The following FSTL4 variants were observed in gnomAD, a reference collection of about 807,000 sequenced individuals.
The protein encoded by FSTL4 is follistatin like 4.
In FSTL4, 28 loss-of-function variants were observed where a neutral mutation model predicts 78.2. That is an observed-to-expected ratio of 0.36 (90% CI 0.27 to 0.49). The LOEUF is 0.49. Among genes scored for constraint, FSTL4 ranks in the 20% least tolerant of loss-of-function variants. The pLI, the probability that FSTL4 is intolerant of heterozygous loss-of-function variation, is 0.98. For synonymous variants in FSTL4, 422 were observed against 440.5 expected (o/e 0.96, Z 0.53); for missense variants, 922 against 1,084.9 (o/e 0.85, Z 2.11).
chr5:133,437,234 T>G (rs1333611326), intron 3 of FSTL4, among the ~76,000 whole-genome samples: 1 of 152,202 alleles, frequency 6.6e-6, no homozygotes, highest in East Asian at 1.9e-4. Context: ...GGCACTCAAG[T>G]GCCTTTGTCA....
intron 3 of FSTL4, among the ~76,000 whole-genome samples, chr5:133,480,919 G>A (rs1291783962): frequency 2.0e-5 from 3 of 152,118 alleles, no homozygotes; most frequent in Non-Finnish European, 4.4e-5. Flanking sequence ...AGCAGCTCCC[G>A]ACACCAAACA....
intron 3 of FSTL4, among the ~76,000 whole-genome samples, chr5:133,557,822 C>G (rs1237839137): frequency 6.6e-6 from 1 of 152,206 alleles, no homozygotes; most frequent in Non-Finnish European, 1.5e-5. Context: ...GCCATAAGTC[C>G]TCTTTTTGTT....
chr5:133,348,788 T>C lies in FSTL4; in HGVS notation c.410-32136A>G, dbSNP rs147428043. ...CTCATCTGAAAAATGGGGATACTAA[T>C]AGAACTTGCCACACTGGGTAGCTGT... On this transcript the variant is annotated intron_variant, in intron 4 of 15. Coordinates refer to ENST00000265342, the MANE Select transcript of FSTL4 (RefSeq NM_015082.2). Among the ~76,000 whole-genome samples the C allele has an allele frequency of 6.8e-3, 1,035 of 152,314 alleles. 6 individuals carry two copies. The highest frequency in any genetic ancestry group is 0.022 in the East Asian group (115 of 5,182).
the FSTL4 span, among the ~76,000 whole-genome samples, chr5:133,716,000 T>C: frequency 2.4e-4 from 36 of 152,330 alleles, no homozygotes; most frequent in African/African-American, 8.4e-4. Context: ...GCCGGCTCCT[T>C]AAGAGTTCAA....
At chr5:133,290,640 T>C (rs1191991670) in intron 6 of FSTL4, among the ~76,000 whole-genome samples, 1 of 152,156 alleles carries the variant, frequency 6.6e-6, no homozygotes, top group East Asian at 1.9e-4. Flanking sequence ...TCTCCTAGGA[T>C]GAGGTAAAGC....
At chr5:133,282,855 A>G (rs1753040545) in intron 6 of FSTL4, among the ~76,000 whole-genome samples, 1 of 152,250 alleles carries the variant, frequency 6.6e-6, no homozygotes, top group African/African-American at 2.4e-5. Flanking sequence ...TTGTTACCAC[A>G]AAGAGCAGAA....
At chr5:133,234,701 C>A (rs1751602356) in intron 7 of FSTL4, among the ~76,000 whole-genome samples, 1 of 152,176 alleles carries the variant, frequency 6.6e-6, no homozygotes, top group Non-Finnish European at 1.5e-5. Flanking sequence ...GTGATGGGAA[C>A]TCAGGACATC....
chr5:133,346,198 C>T (rs958433056), intron 4 of FSTL4, among the ~76,000 whole-genome samples: 1 of 151,988 alleles, frequency 6.6e-6, no homozygotes, highest in Non-Finnish European at 1.5e-5. Flanking sequence ...ACAATGGGAA[C>T]ACATGGATAG....
chr5:133,803,038 A>G, the FSTL4 span, among the ~76,000 whole-genome samples: 1 of 152,184 alleles, frequency 6.6e-6, no homozygotes, highest in South Asian at 2.1e-4. Flanking sequence ...CACCTGTAGT[A>G]GGGGAGAATT....
At chr5:133,396,198 C>G (rs142444419) in intron 4 of FSTL4, among the ~76,000 whole-genome samples, 2 of 152,166 alleles carry the variant, frequency 1.3e-5, no homozygotes, top group Non-Finnish European at 2.9e-5. Flanking sequence ...TTGAATAAGC[C>G]GTGATGTTAC....
chr5:133,632,682 T>TG, the FSTL4 span, among the ~76,000 whole-genome samples: 1 of 152,132 alleles, frequency 6.6e-6, no homozygotes, highest in African/African-American at 2.4e-5. Flanking sequence ...TTTGTTTGTT[T>TG]TTTTTGTTGT....
the FSTL4 span, among the ~76,000 whole-genome samples, chr5:133,706,216 A>G: frequency 6.6e-6 from 1 of 152,242 alleles, no homozygotes; most frequent in Non-Finnish European, 1.5e-5. Flanking sequence ...TAATAGGGTC[A>G]TTGGAACAAC....
chr5:133,658,089 C>T, the FSTL4 span, among the ~76,000 whole-genome samples: 1 of 152,046 alleles, frequency 6.6e-6, no homozygotes, highest in African/African-American at 2.4e-5. Context: ...TAGACTGAAT[C>T]ACAGTTATAG....
At chr5:133,446,142 A>G (rs1322956041) in intron 3 of FSTL4, among the ~76,000 whole-genome samples, 1 of 152,154 alleles carries the variant, frequency 6.6e-6, no homozygotes, top group Non-Finnish European at 1.5e-5. Flanking sequence ...GCCCCACCAA[A>G]ACCTGCAGGC....
rs775661811 is a variant in FSTL4, at chr5:133,220,757, G to A, written c.1449C>T (p.Phe483=). 7.0e-6 allele frequency: 11 copies of A among 1,570,074 alleles called. No individual in the cohort carries two copies. Among genetic ancestry groups the A allele is most frequent in the Admixed American group, 3.3e-5 (2 of 59,952 alleles). Reference sequence around the variant, plus strand: ...AGGCACAGTTACTTACATAGCTCATGAAAATCTTTTCCGTGGGTTTGAGGT... The same window carrying A: ...AGGCACAGTTACTTACATAGCTCATAAAAATCTTTTCCGTGGGTTTGAGGT... The part of the protein sequence containing the change: ...QRHLKPTEKI[F]MSYEEICPQR... The change falls in exon 12 of 16, where the codon TTC becomes TTT. Residue 483 remains phenylalanine (F), a synonymous_variant. Coordinates refer to ENST00000265342, the MANE Select transcript of FSTL4 (RefSeq NM_015082.2).
Position 133,199,045 on chromosome 5 carries a change from G to T in FSTL4, c.*50C>A. ...TACAGCGTACCTGCTTGAGGCTGCA[G>T]TGTCAGGACTAGGGGGTGTTCCTTG... On this transcript the variant is annotated 3_prime_UTR_variant, in exon 16 of 16. Transcript: ENST00000265342. This position sits in a 1 kb window ranked among gnomAD's most constrained non-coding sequence, Gnocchi z 4.4. 8.7e-7 allele frequency: 1 copy of T among 1,152,404 alleles called. No individual in the cohort carries two copies. The highest frequency in any genetic ancestry group is 1.2e-6 in the Non-Finnish European group (1 of 813,780). The allele number at this position is 1,152,404 out of a possible 1,614,324, so 71.4% of individuals were successfully genotyped here.
intron 3 of FSTL4, among the ~76,000 whole-genome samples, chr5:133,529,827 T>A (rs1759213954): frequency 1.3e-5 from 2 of 152,176 alleles, no homozygotes; most frequent in South Asian, 4.1e-4. Context: ...TAATATTTAT[T>A]TTCTATGGGA....
chr5:133,759,733 T>C, the FSTL4 span, among the ~76,000 whole-genome samples: 1 of 152,206 alleles, frequency 6.6e-6, no homozygotes, highest in Admixed American at 6.5e-5. Context: ...ATATTTTAGA[T>C]TTTTGAAGGA....
chr5:133,641,178 T>C, the FSTL4 span, among the ~76,000 whole-genome samples: 2 of 152,152 alleles, frequency 1.3e-5, no homozygotes, highest in South Asian at 4.1e-4. Context: ...CATGGGAATG[T>C]CACAAATAGA....
Sources: allele counts gnomAD v4.1 joint callset (sites outside exome capture counted in the v4.1 genomes callset), GRCh38; gene constraint gnomAD v4.1.1; non-coding constraint Gnocchi (gnomAD v3.1); transcripts MANE v1.5; gene names NCBI Gene and HGNC (gene_info 2026-07-23, HGNC 2026-07-21).